TENM3: variants seen among roughly 807,000 people sequenced by gnomAD.
The protein encoded by TENM3 is teneurin-3.
A neutral mutation model predicts 255.1 loss-of-function variants in TENM3; 63 were observed. That is an observed-to-expected ratio of 0.25 (90% CI 0.20 to 0.30). The LOEUF is 0.30. TENM3 is among the 10% of genes least tolerant of loss of function. The probability of loss-of-function intolerance (pLI) is 1.00; values close to 1 mark genes in which losing one functional copy is unlikely to be tolerated. For missense variants in TENM3, 2,929 were observed against 3,461.1 expected (o/e 0.85, Z 3.86); for synonymous variants, 1,306 against 1,322.3 (o/e 0.99, Z 0.27).
the TENM3 span, among the ~76,000 whole-genome samples, chr4:181,468,133 A>T: frequency 6.7e-5 from 1 of 15,010 alleles, no homozygotes; most frequent in Admixed American, 3.3e-4. Context: ...CCATCTGTAC[A>T]AAAAAAAAAA....
chr4:181,512,559 A>C, the TENM3 span, among the ~76,000 whole-genome samples: 2 of 152,060 alleles, frequency 1.3e-5, no homozygotes, highest in Non-Finnish European at 2.9e-5. Flanking sequence ...ACAAAAGTTC[A>C]CTTCTTTTTG....
the TENM3 span, among the ~76,000 whole-genome samples, chr4:181,597,521 G>C: frequency 6.6e-6 from 1 of 151,706 alleles, no homozygotes; most frequent in African/African-American, 2.4e-5. Flanking sequence ...TTTTTTTCAA[G>C]CATTAACATA....
At chr4:182,724,641 A>G (rs772345648) in intron 13 of TENM3, among the ~76,000 whole-genome samples, 1 of 152,232 alleles carries the variant, frequency 6.6e-6, no homozygotes, top group Non-Finnish European at 1.5e-5. Context: ...TGCTTTTTAT[A>G]AACTAACAAA....
rs760279896 is a variant in TENM3, at chr4:182,793,666, T to G, written c.6994T>G (p.Phe2332Val). Residue 2332 changes from phenylalanine (F) to valine (V), a missense_variant, in exon 26 of 28, where the codon TTT becomes GTT. This residue lies in a region of TENM3 where 256 missense variants were observed against 389.3 expected (regional missense o/e 0.66). Coordinates refer to ENST00000511685, the MANE Select transcript of TENM3 (RefSeq NM_001080477.4). The surrounding 1 kb of genome is among the most constrained non-coding windows in gnomAD (Gnocchi z 5.7). ...AATCTATTTTGACTCTAATATTGAC[T>G]TTCAACTGGTAATTGGATTTCATGG... The part of the protein sequence containing the change: ...GEIYFDSNID[F>V]QLVIGFHGGL... 24 of 1,613,900 alleles carry G rather than the reference T, an allele frequency of 1.5e-5. No homozygotes were observed. Among genetic ancestry groups the G allele is most frequent in the Non-Finnish European group, 2.0e-5 (24 of 1,179,870 alleles).
chr4:182,652,731 CT>C (rs1753422798), intron 5 of TENM3, among the ~76,000 whole-genome samples: 1 of 152,114 alleles, frequency 6.6e-6, no homozygotes, highest in Non-Finnish European at 1.5e-5. Flanking sequence ...CTTATTCTTC[CT>C]CCATTGCGCT....
At chr4:181,900,502 A>G in the TENM3 span, among the ~76,000 whole-genome samples, 2 of 152,292 alleles carry the variant, frequency 1.3e-5, no homozygotes, top group African/African-American at 4.8e-5. Context: ...TTTGTTTCCC[A>G]TTTAAGATAT....
At chr4:182,394,416 G>T (rs1768655969) in intron 3 of TENM3, among the ~76,000 whole-genome samples, 1 of 152,128 alleles carries the variant, frequency 6.6e-6, no homozygotes, top group Non-Finnish European at 1.5e-5. Context: ...ACATCAGATT[G>T]ACCCCACTTA....
At chr4:182,022,921 G>A in the TENM3 span, among the ~76,000 whole-genome samples, 19 of 152,100 alleles carry the variant, frequency 1.2e-4, no homozygotes, top group Admixed American at 2.0e-4. Context: ...AAGTGGATAG[G>A]GGCTGAGGAG....
At chr4:182,703,899 G>C (rs1437613809) in intron 12 of TENM3, among the ~76,000 whole-genome samples, 1 of 152,182 alleles carries the variant, frequency 6.6e-6, no homozygotes, top group African/African-American at 2.4e-5. Flanking sequence ...CTGGATGATT[G>C]TTCTGGCTTC....
the TENM3 span, among the ~76,000 whole-genome samples, chr4:181,625,124 G>C: frequency 6.6e-6 from 1 of 152,150 alleles, no homozygotes; most frequent in Non-Finnish European, 1.5e-5. Flanking sequence ...ACTTTTGATG[G>C]GAGAAGCAGC....
chr4:182,434,742 A>G (rs1771927387), intron 3 of TENM3, among the ~76,000 whole-genome samples: 1 of 152,138 alleles, frequency 6.6e-6, no homozygotes, highest in Non-Finnish European at 1.5e-5. Flanking sequence ...TTATCAGGGT[A>G]TATTTTTCTT....
chr4:182,665,231 T>A (rs1754565803), intron 6 of TENM3, among the ~76,000 whole-genome samples: 1 of 152,212 alleles, frequency 6.6e-6, no homozygotes, highest in South Asian at 2.1e-4. Flanking sequence ...ATGCTAATTC[T>A]ACTCTGCCTG....
chr4:181,724,372 C>A, the TENM3 span, among the ~76,000 whole-genome samples: 1 of 151,598 alleles, frequency 6.6e-6, no homozygotes, highest in African/African-American at 2.4e-5. Flanking sequence ...TTGCTGGTAT[C>A]ATACCTCCTG....
At chr4:182,723,208 C>T (rs1041623682) in intron 13 of TENM3, among the ~76,000 whole-genome samples, 1 of 152,122 alleles carries the variant, frequency 6.6e-6, no homozygotes, top group African/African-American at 2.4e-5. Flanking sequence ...CAGGAGAGCA[C>T]TGATGTAGAC....
chr4:182,704,034 TTTAA>T (rs1224432111), intron 12 of TENM3, among the ~76,000 whole-genome samples: 4 of 152,234 alleles, frequency 2.6e-5, no homozygotes, highest in African/African-American at 9.6e-5. Flanking sequence ...TATAGTTTTT[TTTAA>T]TTAATGTTAA....
At chr4:182,749,522 A>G (rs1373757017) in intron 19 of TENM3, among the ~76,000 whole-genome samples, 6 of 152,212 alleles carry the variant, frequency 3.9e-5, no homozygotes, top group Non-Finnish European at 7.3e-5. Context: ...GTTAATTCTT[A>G]GTGAGTATGT....
the TENM3 span, among the ~76,000 whole-genome samples, chr4:181,835,908 C>A: frequency 6.6e-6 from 1 of 152,022 alleles, no homozygotes; most frequent in Non-Finnish European, 1.5e-5. Flanking sequence ...AGAGGTTCTA[C>A]TTTCAGGAAT....
intron 13 of TENM3, among the ~76,000 whole-genome samples, chr4:182,720,988 G>A (rs953829361): frequency 4.0e-5 from 6 of 151,848 alleles, no homozygotes; most frequent in Middle Eastern, 7.0e-3. Context: ...AGCTAGCCTC[G>A]AACTCCTGAC....
At chr4:182,620,059 T>C (rs1399887234) in intron 4 of TENM3, among the ~76,000 whole-genome samples, 3 of 152,150 alleles carry the variant, frequency 2.0e-5, no homozygotes, top group South Asian at 2.1e-4. Flanking sequence ...CAAAAGCATA[T>C]GTTTTTGATA....
Sources: allele counts gnomAD v4.1 joint callset (sites outside exome capture counted in the v4.1 genomes callset), GRCh38; gene constraint gnomAD v4.1.1; regional missense constraint gnomAD v4.1.1; non-coding constraint Gnocchi (gnomAD v3.1); transcripts MANE v1.5; gene names NCBI Gene and HGNC (gene_info 2026-07-23, HGNC 2026-07-21).